Variants in CDH13 observed in about 807,000 individuals in gnomAD.
CDH13 encodes the protein cadherin-13.
CDH13 carries 24 observed loss-of-function variants against 63.8 expected under a neutral mutation model. The observed-to-expected ratio is 0.38, with a 90% CI of 0.27 to 0.53. The LOEUF (loss-of-function observed/expected upper bound fraction) is 0.53, where lower values mean the gene tolerates loss of function less well. Ranked by LOEUF, CDH13 falls within the 20% of genes least tolerant of loss-of-function variation. The pLI is 0.85. For missense variants in CDH13, 1,049 were observed against 903.1 expected (o/e 1.16, Z -2.07); for synonymous variants, 503 against 355.3 (o/e 1.42, Z -4.67).
At chr16:82,716,674 G>C (rs56412137) in intron 1 of CDH13, among the ~76,000 whole-genome samples, 14,354 of 149,782 alleles carry the variant, frequency 0.096, 761 homozygotes, top group Non-Finnish European at 0.11. Context: ...GGGTATTAAG[G>C]GGGGTGACTA....
intron 5 of CDH13, among the ~76,000 whole-genome samples, chr16:83,247,344 T>C (rs541673275): frequency 6.6e-6 from 1 of 152,312 alleles, no homozygotes; most frequent in South Asian, 2.1e-4. Context: ...ACTCAGTGGC[T>C]GAGTTGCAAA....
chr16:82,815,336 G>T (rs1465231795), intron 1 of CDH13, among the ~76,000 whole-genome samples: 1 of 152,112 alleles, frequency 6.6e-6, no homozygotes, highest in Non-Finnish European at 1.5e-5. Context: ...CTCACTCTCT[G>T]CCTCAGTTTC....
intron 3 of CDH13, among the ~76,000 whole-genome samples, chr16:83,098,784 T>C (rs1448240149): frequency 6.6e-6 from 1 of 152,208 alleles, no homozygotes; most frequent in African/African-American, 2.4e-5. Context: ...CTCTCAAGAA[T>C]TTATTTTTAT....
At chr16:83,181,202 T>A (rs1023157223) in intron 4 of CDH13, 3 of 491,206 alleles carry the variant, frequency 6.1e-6, no homozygotes, top group Middle Eastern at 5.8e-4. Flanking sequence ...CTCAGGCAAG[T>A]CATTTAGTAT....
In CDH13 at chr16:83,748,130, G is replaced by C; in HGVS notation, c.1561G>C (p.Ala521Pro). The change falls in exon 11 of 14, where the codon GCA (alanine) becomes CCA (proline). Residue 521 changes from alanine to proline, a missense_variant. Transcript: ENST00000567109. ...TIRYSVYKDP[A>P]GWLNINPING... Reference sequence around the variant, plus strand: ...CAGGTATTCTGTTTACAAGGACCCAGCAGGTTGGCTGAATATTAACCCCAT... The same window carrying C: ...CAGGTATTCTGTTTACAAGGACCCACCAGGTTGGCTGAATATTAACCCCAT... The C allele has an allele frequency of 6.2e-7, 1 of 1,613,914 alleles. No individual in the cohort carries two copies.
chr16:82,921,198 T>C (rs538299523), intron 2 of CDH13, among the ~76,000 whole-genome samples: 44 of 152,302 alleles, frequency 2.9e-4, no homozygotes, highest in African/African-American at 1.1e-3. Flanking sequence ...ATTTATTTTC[T>C]TACAGTTCTG....
intron 2 of CDH13, among the ~76,000 whole-genome samples, chr16:83,023,338 G>C (rs1208982418): frequency 6.6e-6 from 1 of 151,394 alleles, no homozygotes; most frequent in Non-Finnish European, 1.5e-5. Context: ...GGTGTTCTAA[G>C]ATTATCTCAA....
At position 83,090,588 on chromosome 16, in the gene CDH13, A is replaced by AT. The variant is rs1410619967; in HGVS notation, c.367-34797_367-34796insT. On this transcript the variant is annotated intron_variant, in intron 3 of 13. Transcript: ENST00000567109. ...AACTGCATCTCAAAAAAAAAAAAAA[A>AT]AATAAGTGCTTGTCTCTGCTCAAAG... Among the ~76,000 whole-genome samples, 22 of 151,330 alleles carry AT rather than the reference A, an allele frequency of 1.5e-4. No homozygotes were observed. The East Asian group carries it at 3.1e-3, about 22-fold the overall frequency.
intron 1 of CDH13, among the ~76,000 whole-genome samples, chr16:82,642,980 A>G (rs183668933): frequency 6.6e-6 from 1 of 152,342 alleles, no homozygotes; most frequent in Admixed American, 6.5e-5. Context: ...ATTCTATGAA[A>G]TGGAACAAAC....
chr16:83,406,593 A>G (rs1377770593), intron 6 of CDH13, among the ~76,000 whole-genome samples: 1 of 152,042 alleles, frequency 6.6e-6, no homozygotes, highest in Admixed American at 6.5e-5. Flanking sequence ...CCTCCCAAGT[A>G]GTTGGGACTA....
intron 11 of CDH13, among the ~76,000 whole-genome samples, chr16:83,776,038 G>C (rs1283980033): frequency 6.6e-6 from 1 of 152,012 alleles, no homozygotes; most frequent in African/African-American, 2.4e-5. Flanking sequence ...AACTGAGAGA[G>C]GCTCTTTCCC....
intron 7 of CDH13, among the ~76,000 whole-genome samples, chr16:83,534,402 T>C (rs1373200257): frequency 6.6e-6 from 1 of 152,220 alleles, no homozygotes; most frequent in Admixed American, 6.5e-5. Context: ...TGCATTTTCA[T>C]GGGGCCGTTA....
At chr16:82,703,403 G>T (rs1215183242) in intron 1 of CDH13, among the ~76,000 whole-genome samples, 1 of 152,150 alleles carries the variant, frequency 6.6e-6, no homozygotes, top group African/African-American at 2.4e-5. Context: ...AAGTTCTGGA[G>T]AACTCGTACC....
chr16:83,191,566 C>CAT (rs2038716260), intron 4 of CDH13, among the ~76,000 whole-genome samples: 2 of 137,470 alleles, frequency 1.5e-5, no homozygotes, highest in Non-Finnish European at 3.1e-5. Flanking sequence ...TACACACACA[C>CAT]ATATATATGA....
chr16:83,463,054 G>A (rs990402846), intron 6 of CDH13, among the ~76,000 whole-genome samples: 1 of 152,108 alleles, frequency 6.6e-6, no homozygotes, highest in Non-Finnish European at 1.5e-5. Context: ...AAGCAGAATG[G>A]AAGAGGAGGA....
At chr16:83,421,147 T>A (rs868751561) in intron 6 of CDH13, among the ~76,000 whole-genome samples, 3 of 152,010 alleles carry the variant, frequency 2.0e-5, no homozygotes, top group Middle Eastern at 3.2e-3. Flanking sequence ...ACACTCATAT[T>A]CCAGTACTGG....
At chr16:83,418,825 C>G (rs1419647987) in intron 6 of CDH13, among the ~76,000 whole-genome samples, 4 of 152,148 alleles carry the variant, frequency 2.6e-5, no homozygotes, top group South Asian at 2.1e-4. Flanking sequence ...GTACTGAAAG[C>G]CTTCCCTTTC....
At chr16:83,297,417 T>C (rs2089628316) in intron 5 of CDH13, among the ~76,000 whole-genome samples, 2 of 152,078 alleles carry the variant, frequency 1.3e-5, no homozygotes, top group African/African-American at 4.8e-5. Flanking sequence ...AAAATAGTAC[T>C]AATGGGAGGT....
At position 83,601,808 on chromosome 16, in the gene CDH13, G is replaced by A. The variant is rs186963141; in HGVS notation, c.961-646G>A. On this transcript the variant is annotated intron_variant, in intron 7 of 13. Transcript: ENST00000567109. Reference sequence around the variant, plus strand: ...ATGGATGTAAACATTAAAGGACAACGTAGGGGCCGGGCGTGGTGGCTCACA... The same window carrying A: ...ATGGATGTAAACATTAAAGGACAACATAGGGGCCGGGCGTGGTGGCTCACA... 6.0e-3 allele frequency among the ~76,000 whole-genome samples: 914 copies of A among 152,094 alleles called. 12 individuals are homozygous for A. Among genetic ancestry groups the A allele is most frequent in the Admixed American group, 0.023 (359 of 15,290 alleles).
Sources: gnomAD v4.1 joint callset for allele counts (sites outside exome capture counted in the v4.1 genomes callset) on GRCh38, gnomAD v4.1.1 for gene constraint, MANE v1.5 for transcripts, NCBI Gene and HGNC (gene_info 2026-07-23, HGNC 2026-07-21) for gene names.